FSTL5: variants seen among roughly 807,000 people sequenced by gnomAD.
FSTL5 encodes follistatin-related protein 5.
In FSTL5, 62 loss-of-function variants were observed where a neutral mutation model predicts 89.1. That is an observed-to-expected ratio of 0.70 (90% CI 0.57 to 0.86). FSTL5 has a LOEUF of 0.86. Ranked by LOEUF, FSTL5 falls within the 40% of genes least tolerant of loss-of-function variation. The pLI is 0.00. For synonymous variants in FSTL5, 383 were observed against 346.2 expected, an observed-to-expected ratio of 1.11 and a Z score of -1.18; for missense variants, 1,057 against 1,001.6, an observed-to-expected ratio of 1.06 and a Z score of -0.75.
intron 2 of FSTL5, among the ~76,000 whole-genome samples, chr4:162,091,868 G>T (rs2046331): frequency 0.52 from 79,228 of 150,996 alleles, 21,093 homozygotes; most frequent in Admixed American, 0.57. Flanking sequence ...TATTTATATA[G>T]GGAGAGAAAT....
At position 162,042,390 on chromosome 4, in the gene FSTL5, A is replaced by T. The variant is rs569577450; in HGVS notation, c.127-8732T>A. ...CATGCAGTGTCAAATAGAGTCTTTA[A>T]GAATTTTCCCAGTGTCAAAATGGAC... On this transcript the variant is annotated intron_variant, in intron 2 of 15. Transcript: ENST00000306100. Among the ~76,000 whole-genome samples, 4 of 152,274 alleles carry T rather than the reference A, an allele frequency of 2.6e-5. No homozygotes were observed. The South Asian group carries it at 8.3e-4, about 32-fold the overall frequency.
intron 3 of FSTL5, among the ~76,000 whole-genome samples, chr4:162,002,911 G>C (rs990696882): frequency 6.6e-6 from 1 of 151,976 alleles, no homozygotes; most frequent in Admixed American, 6.6e-5. Context: ...TTGGGAGGCC[G>C]AGGCGGGCAG....
chr4:161,406,646 T>G (rs1731389036), intron 15 of FSTL5, among the ~76,000 whole-genome samples: 1 of 152,316 alleles, frequency 6.6e-6, no homozygotes, highest in East Asian at 1.9e-4. Context: ...AGCTGTCTAT[T>G]TCACCTTTCA....
At chr4:161,879,251 C>T (rs1732546885) in intron 4 of FSTL5, among the ~76,000 whole-genome samples, 1 of 152,176 alleles carries the variant, frequency 6.6e-6, no homozygotes, top group Admixed American at 6.5e-5. Context: ...CTTCACACCT[C>T]CATTGCTATA....
intron 4 of FSTL5, among the ~76,000 whole-genome samples, chr4:161,895,211 A>C (rs1365856672): frequency 6.6e-6 from 1 of 152,162 alleles, no homozygotes; most frequent in Non-Finnish European, 1.5e-5. Flanking sequence ...ACTTAACTAC[A>C]CTGCTTTTAA....
chr4:161,417,426 G>C (rs1373710478), intron 15 of FSTL5, among the ~76,000 whole-genome samples: 2 of 152,146 alleles, frequency 1.3e-5, no homozygotes, highest in East Asian at 3.8e-4. Context: ...TTACATTTCA[G>C]CTAAATTTAT....
chr4:161,708,631 A>G (rs1195740922), intron 6 of FSTL5, among the ~76,000 whole-genome samples: 1 of 151,914 alleles, frequency 6.6e-6, no homozygotes, highest in Non-Finnish European at 1.5e-5. Flanking sequence ...TTCCAAATTA[A>G]AAAAAAACTT....
At chr4:162,108,509 T>C (rs1731313267) in intron 2 of FSTL5, among the ~76,000 whole-genome samples, 1 of 151,960 alleles carries the variant, frequency 6.6e-6, no homozygotes, top group African/African-American at 2.4e-5. Flanking sequence ...TTTTGTATAT[T>C]ATTTATTTTA....
chr4:161,951,413 A>C lies in FSTL5; in HGVS notation c.161-30761T>G, dbSNP rs183192218. On this transcript the variant is annotated intron_variant, in intron 3 of 15. Transcript: ENST00000306100. ...GTCAGAAATCTCTTCTCTACTAAAAAATGTTTGTCTCTTTGAGATTTTAGT... is the reference window on the plus strand; with the variant it reads ...GTCAGAAATCTCTTCTCTACTAAAACATGTTTGTCTCTTTGAGATTTTAGT... 4.1e-4 allele frequency among the ~76,000 whole-genome samples: 62 copies of C among 152,226 alleles called. 2 individuals are homozygous for C. The East Asian group carries it at 0.011, about 28-fold the overall frequency.
At chr4:161,624,580 T>TAAAA (rs1197876601) in intron 7 of FSTL5, among the ~76,000 whole-genome samples, 2 of 151,840 alleles carry the variant, frequency 1.3e-5, no homozygotes, top group Non-Finnish European at 1.5e-5. Flanking sequence ...TACTAAAAAC[T>TAAAA]TTAATACATG....
At chr4:161,452,670 G>A (rs1347125098) in intron 15 of FSTL5, among the ~76,000 whole-genome samples, 2 of 151,904 alleles carry the variant, frequency 1.3e-5, no homozygotes, top group African/African-American at 4.8e-5. Flanking sequence ...ACTTTGAACT[G>A]CACCAAGAAA....
chr4:161,844,385 AG>A (rs1332811999), intron 4 of FSTL5, among the ~76,000 whole-genome samples: 1 of 152,160 alleles, frequency 6.6e-6, no homozygotes, highest in African/African-American at 2.4e-5. Context: ...CAATTCCTCA[AG>A]GATCTAGAAC....
intron 1 of FSTL5, among the ~76,000 whole-genome samples, chr4:162,143,737 CACACACACACA>C (rs1561043094): frequency 3.3e-4 from 43 of 131,698 alleles, no homozygotes; most frequent in African/African-American, 1.2e-3. Flanking sequence ...CACACACACA[CACACACACACA>C]CCCAGGAAAA....
chr4:161,772,505 G>T (rs1288191394), intron 5 of FSTL5, among the ~76,000 whole-genome samples: 1 of 151,938 alleles, frequency 6.6e-6, no homozygotes, highest in Non-Finnish European at 1.5e-5. Flanking sequence ...GCAGTTTCAG[G>T]ATACAAAATT....
rs1259003501 is a variant in FSTL5, at chr4:161,942,076, ATACT to A, written c.161-21428_161-21425del. ...AAGAAATCAAAAGAGATATTAGGAA[ATACT>A]TAGAGACAAAGAAAATGAAAGCATA... On this transcript the variant is annotated intron_variant, in intron 3 of 15. Transcript: ENST00000306100. 2.0e-5 allele frequency among the ~76,000 whole-genome samples: 3 copies of A among 152,120 alleles called. 1 individual carries two copies. Among genetic ancestry groups the A allele is most frequent in the Middle Eastern group, 6.8e-3 (2 of 294 alleles).
At chr4:162,078,598 A>T (rs879278158) in intron 2 of FSTL5, among the ~76,000 whole-genome samples, 4 of 151,810 alleles carry the variant, frequency 2.6e-5, no homozygotes, top group Admixed American at 6.6e-5. Context: ...ACTATTCTCA[A>T]ATTTTGCTCA....
chr4:161,830,519 T>C (rs1396123227), intron 4 of FSTL5, among the ~76,000 whole-genome samples: 1 of 151,986 alleles, frequency 6.6e-6, no homozygotes, highest in Non-Finnish European at 1.5e-5. Context: ...GTAAGAAAAA[T>C]CCTAGTTTCT....
At chr4:162,125,110 A>G (rs538775066) in intron 1 of FSTL5, among the ~76,000 whole-genome samples, 4 of 152,328 alleles carry the variant, frequency 2.6e-5, no homozygotes, top group African/African-American at 7.2e-5. Context: ...GTAAAATTAC[A>G]TATAAAGCAA....
chr4:162,049,015 T>A (rs1332091689), intron 2 of FSTL5, among the ~76,000 whole-genome samples: 2 of 152,176 alleles, frequency 1.3e-5, no homozygotes, highest in African/African-American at 2.4e-5. Context: ...TATATTTGGA[T>A]CATATGGTAA....
Sources: allele counts gnomAD v4.1 joint callset (sites outside exome capture counted in the v4.1 genomes callset), GRCh38; gene constraint gnomAD v4.1.1; transcripts MANE v1.5; gene names NCBI Gene and HGNC (gene_info 2026-07-23, HGNC 2026-07-21).